Variants in PRKN observed in about 807,000 individuals in gnomAD.
The protein encoded by PRKN is E3 ubiquitin-protein ligase parkin.
In PRKN, 56 loss-of-function variants were observed where a neutral mutation model predicts 59.5. That is an observed-to-expected ratio of 0.94 (90% confidence interval 0.76 to 1.18). PRKN has a LOEUF of 1.18. PRKN is among the 50% of genes most tolerant of loss of function. The pLI, the probability that PRKN is intolerant of heterozygous loss-of-function variation, is 0.00. For missense variants in PRKN, 657 were observed against 596.4 expected (o/e 1.10, Z -1.06); for synonymous variants, 250 against 222.1 (o/e 1.13, Z -1.12).
At chr6:162,488,996 C>A (rs964936975) in intron 1 of PRKN, among the ~76,000 whole-genome samples, 3 of 152,248 alleles carry the variant, frequency 2.0e-5, no homozygotes, top group Non-Finnish European at 4.4e-5. Context: ...TAAGCCACCA[C>A]TCCTGAAACT....
intron 1 of PRKN, among the ~76,000 whole-genome samples, chr6:162,451,382 A>C (rs1219929531): frequency 6.6e-6 from 1 of 151,616 alleles, no homozygotes; most frequent in Non-Finnish European, 1.5e-5. Flanking sequence ...AAAAAAAAAA[A>C]AAAATTGCAA....
chr6:161,443,756 T>G (rs1789360825), intron 9 of PRKN, among the ~76,000 whole-genome samples: 1 of 152,170 alleles, frequency 6.6e-6, no homozygotes, highest in Admixed American at 6.5e-5. Context: ...TAGAAACAAG[T>G]GTGCTTCAGC....
At chr6:162,515,173 C>T (rs1284891177) in intron 1 of PRKN, among the ~76,000 whole-genome samples, 1 of 151,430 alleles carries the variant, frequency 6.6e-6, no homozygotes, top group Non-Finnish European at 1.5e-5. Context: ...ACCTCCACCT[C>T]CCAGGTTAAA....
At chr6:162,417,135 G>A (rs563625510) in intron 2 of PRKN, among the ~76,000 whole-genome samples, 1 of 152,234 alleles carries the variant, frequency 6.6e-6, no homozygotes, top group African/African-American at 2.4e-5. Flanking sequence ...GAAACTCCAA[G>A]GAGTTTTTAT....
intron 2 of PRKN, among the ~76,000 whole-genome samples, chr6:162,282,663 C>T (rs1477592308): frequency 6.6e-6 from 1 of 152,180 alleles, no homozygotes; most frequent in Non-Finnish European, 1.5e-5. Flanking sequence ...TTTGTTATAA[C>T]TCTAGAAGTA....
chr6:162,489,786 A>G (rs911921009), intron 1 of PRKN, among the ~76,000 whole-genome samples: 3 of 152,088 alleles, frequency 2.0e-5, no homozygotes, highest in African/African-American at 7.2e-5. Flanking sequence ...CTGTCCGTGC[A>G]CTCACAAACA....
intron 9 of PRKN, among the ~76,000 whole-genome samples, chr6:161,476,646 G>C (rs1357913732): frequency 6.6e-6 from 1 of 152,194 alleles, no homozygotes; most frequent in Non-Finnish European, 1.5e-5. Flanking sequence ...TTGTCAGGAA[G>C]TCAGGGCAGC....
rs867922785 is a variant in PRKN, at chr6:162,337,955, A to T, written c.172-75190T>A. Among the ~76,000 whole-genome samples, 41 of 152,330 alleles carry T rather than the reference A, an allele frequency of 2.7e-4. 1 individual carries two copies. Among genetic ancestry groups the T allele is most frequent in the South Asian group, 1.4e-3 (7 of 4,832 alleles). On this transcript the variant is annotated intron_variant, in intron 2 of 11. Coordinates refer to ENST00000366898, the MANE Select transcript of PRKN (RefSeq NM_004562.3). The stretch of plus-strand genomic sequence containing the variant: ...AATGTTACATAATACACAATATTTC[A>T]TTATAACATATTATAAATGCATCTT...
At chr6:161,558,007 G>A (rs746552613) in intron 8 of PRKN, among the ~76,000 whole-genome samples, 10 of 152,176 alleles carry the variant, frequency 6.6e-5, no homozygotes, top group South Asian at 6.2e-4. Flanking sequence ...CCCTCCTAGA[G>A]CAGAGGGGTC....
chr6:162,406,970 T>C (rs1362295050), intron 2 of PRKN, among the ~76,000 whole-genome samples: 1 of 152,112 alleles, frequency 6.6e-6, no homozygotes, highest in Non-Finnish European at 1.5e-5. Flanking sequence ...ATAATAATGT[T>C]GACCAAAATT....
intron 7 of PRKN, among the ~76,000 whole-genome samples, chr6:161,642,750 T>C (rs913790346): frequency 6.6e-6 from 1 of 152,174 alleles, no homozygotes; most frequent in African/African-American, 2.4e-5. Flanking sequence ...TAAGAATTTC[T>C]GGTGAGAAGA....
At chr6:161,797,836 A>G (rs1247474259) in intron 6 of PRKN, among the ~76,000 whole-genome samples, 1 of 152,246 alleles carries the variant, frequency 6.6e-6, no homozygotes, top group Non-Finnish European at 1.5e-5. Context: ...GTATCCAGAA[A>G]AGGATTGTAT....
intron 1 of PRKN, among the ~76,000 whole-genome samples, chr6:162,510,487 T>C (rs375447167): frequency 6.6e-6 from 1 of 152,208 alleles, no homozygotes; most frequent in Non-Finnish European, 1.5e-5. Flanking sequence ...CTTGGCCAGC[T>C]GCACCGAGGA....
chr6:161,903,937 A>G (rs2128235649), intron 6 of PRKN, among the ~76,000 whole-genome samples: 1 of 152,012 alleles, frequency 6.6e-6, no homozygotes, highest in East Asian at 1.9e-4. Flanking sequence ...CAATTCAGAT[A>G]CAAACAGGGA....
intron 3 of PRKN, among the ~76,000 whole-genome samples, chr6:162,254,455 CAA>C (rs148927604): frequency 3.3e-4 from 31 of 94,096 alleles, no homozygotes; most frequent in Admixed American, 4.6e-4. Flanking sequence ...GACTCCATCT[CAA>C]AAAAAAAAAA....
At chr6:162,449,823 G>C (rs1790504068) in intron 1 of PRKN, among the ~76,000 whole-genome samples, 1 of 152,192 alleles carries the variant, frequency 6.6e-6, no homozygotes, top group East Asian at 1.9e-4. Context: ...CTATAAAATT[G>C]GGACTTCACT....
intron 7 of PRKN, among the ~76,000 whole-genome samples, chr6:161,686,638 A>G (rs1169031995): frequency 6.6e-6 from 1 of 152,184 alleles, no homozygotes; most frequent in Non-Finnish European, 1.5e-5. Context: ...AAGATTTTCC[A>G]GCTTCTTTCA....
At chr6:162,669,191 C>T (rs777504736) in intron 1 of PRKN, among the ~76,000 whole-genome samples, 1 of 151,998 alleles carries the variant, frequency 6.6e-6, no homozygotes, top group Non-Finnish European at 1.5e-5. Context: ...AAGCCTGAAA[C>T]TTCTACTTGT....
At chr6:162,162,008 A>C in intron 4 of PRKN, among the ~76,000 whole-genome samples, 1 of 152,188 alleles carries the variant, frequency 6.6e-6, no homozygotes, top group African/African-American at 2.4e-5. Flanking sequence ...AAAGAAACAA[A>C]ATGATAAAAA....
Sources: gnomAD v4.1 joint callset for allele counts (sites outside exome capture counted in the v4.1 genomes callset) on GRCh38, gnomAD v4.1.1 for gene constraint, MANE v1.5 for transcripts, NCBI Gene and HGNC (gene_info 2026-07-23, HGNC 2026-07-21) for gene names.